Variants in CCDC172 observed in about 807,000 individuals in gnomAD.
CCDC172 encodes coiled-coil domain-containing protein 172.
Under a neutral mutation model 38.0 loss-of-function variants are expected in CCDC172, and 30 were observed. The ratio of observed to expected loss-of-function variants is 0.79; its 90% CI spans 0.59 to 1.07. The LOEUF is 1.07. Ranked by LOEUF, CCDC172 falls within the 50% of genes least tolerant of loss-of-function variation. The pLI, the probability that CCDC172 is intolerant of heterozygous loss-of-function variation, is 0.00. For synonymous variants in CCDC172, 78 were observed against 88.3 expected (o/e 0.88, Z 0.66); for missense variants, 297 against 290.1 (o/e 1.02, Z -0.17).
At chr10:116,364,609 CT>C (rs1220676521) in intron 7 of CCDC172, among the ~76,000 whole-genome samples, 3 of 151,936 alleles carry the variant, frequency 2.0e-5, no homozygotes, top group Non-Finnish European at 2.9e-5. Context: ...ACATATTTCT[CT>C]TAAATAGTAT....
intron 7 of CCDC172, among the ~76,000 whole-genome samples, chr10:116,362,153 T>C (rs1394658652): frequency 5.9e-5 from 9 of 152,150 alleles, no homozygotes; most frequent in Admixed American, 4.6e-4. Context: ...TCGCTTTTCA[T>C]ACCCTTGCTC....
intron 7 of CCDC172, among the ~76,000 whole-genome samples, chr10:116,364,142 C>A (rs368962800): frequency 6.6e-6 from 1 of 152,030 alleles, no homozygotes; most frequent in Non-Finnish European, 1.5e-5. Context: ...GGATTAAACA[C>A]CTACTTTGTA....
chr10:116,378,646 A>T, intron 8 of CCDC172, 136 bp downstream of exon 8: 1 of 669,260 alleles, frequency 1.5e-6, no homozygotes, highest in East Asian at 3.1e-5. Context: ...AATGAAGATA[A>T]CTAGGATCAG....
chr10:116,373,199 G>C (rs957787023), intron 7 of CCDC172, among the ~76,000 whole-genome samples: 3 of 151,796 alleles, frequency 2.0e-5, no homozygotes, highest in Non-Finnish European at 2.9e-5. Context: ...TTCAAGCCCT[G>C]GAGTTTGAGA....
At chr10:116,334,295 C>T (rs1222194931) in intron 3 of CCDC172, among the ~76,000 whole-genome samples, 2 of 152,168 alleles carry the variant, frequency 1.3e-5, no homozygotes, top group African/African-American at 4.8e-5. Context: ...ATTTGGTGAA[C>T]ATGCAGTAGA....
At chr10:116,327,495 C>A (rs1589945256) in intron 3 of CCDC172, among the ~76,000 whole-genome samples, 2 of 151,844 alleles carry the variant, frequency 1.3e-5, no homozygotes, top group East Asian at 3.9e-4. Context: ...GTTTTGTCTG[C>A]AAATGGAAAT....
chr10:116,366,224 T>C (rs186786215), intron 7 of CCDC172, among the ~76,000 whole-genome samples: 100 of 152,270 alleles, frequency 6.6e-4, no homozygotes, highest in African/African-American at 2.3e-3. Context: ...TGAAATAAAC[T>C]AGAATATTAC....
At chr10:116,368,727 A>G (rs760779922) in intron 7 of CCDC172, among the ~76,000 whole-genome samples, 21 of 152,006 alleles carry the variant, frequency 1.4e-4, no homozygotes, top group Admixed American at 4.6e-4. Context: ...TTCAGACCAC[A>G]GTACTAGATG....
At chr10:116,338,630 T>A (rs1016702176) in intron 3 of CCDC172, among the ~76,000 whole-genome samples, 4 of 152,134 alleles carry the variant, frequency 2.6e-5, no homozygotes, top group African/African-American at 9.6e-5. Context: ...AGTGCCAATA[T>A]GTCACCTAGC....
At chr10:116,365,189 T>C (rs1252473943) in intron 7 of CCDC172, among the ~76,000 whole-genome samples, 1 of 152,186 alleles carries the variant, frequency 6.6e-6, no homozygotes, top group Non-Finnish European at 1.5e-5. Flanking sequence ...TGGCCTCTTT[T>C]GAAGCTAGCA....
At chr10:116,352,663 C>T (rs540608198) in intron 5 of CCDC172, among the ~76,000 whole-genome samples, 70 of 151,916 alleles carry the variant, frequency 4.6e-4, no homozygotes, top group Non-Finnish European at 7.1e-4. Flanking sequence ...TAATGTCATT[C>T]TTAATGATAA....
intron 5 of CCDC172, 115 bp downstream of exon 5, chr10:116,342,316 A>C: frequency 1.3e-6 from 1 of 769,870 alleles, no homozygotes; most frequent in Middle Eastern, 3.4e-4. Context: ...TTGCATAGCG[A>C]TTCTTTTACT....
At chr10:116,335,586 G>C (rs1844720261) in intron 3 of CCDC172, among the ~76,000 whole-genome samples, 1 of 151,940 alleles carries the variant, frequency 6.6e-6, no homozygotes, top group Admixed American at 6.6e-5. Context: ...ATGAAGAATT[G>C]ATGTCTTTAT....
chr10:116,359,307 G>A (rs1845036656), intron 7 of CCDC172, among the ~76,000 whole-genome samples: 1 of 152,160 alleles, frequency 6.6e-6, no homozygotes, highest in Admixed American at 6.5e-5. Context: ...CCAAAATTAA[G>A]TTGATGTTGT....
intron 8 of CCDC172, 31 bp from the exon 9 acceptor site, chr10:116,379,292 C>T: frequency 7.0e-7 from 1 of 1,426,474 alleles, no homozygotes; most frequent in Non-Finnish European, 9.5e-7. Context: ...TTTACTTTTC[C>T]TCATGAGTAA....
intron 3 of CCDC172, among the ~76,000 whole-genome samples, chr10:116,339,882 C>T (rs1344103923): frequency 6.6e-6 from 1 of 151,944 alleles, no homozygotes; most frequent in East Asian, 1.9e-4. Context: ...GTTCTTATAA[C>T]TACCATAAAT....
At chr10:116,345,493 A>G (rs1272555496) in intron 5 of CCDC172, among the ~76,000 whole-genome samples, 1 of 152,224 alleles carries the variant, frequency 6.6e-6, no homozygotes, top group Non-Finnish European at 1.5e-5. Context: ...GATTTAAAAT[A>G]AATTGAAAAG....
intron 5 of CCDC172, 122 bp downstream of exon 5, chr10:116,342,323 TA>T (rs1844806216): frequency 1.4e-6 from 1 of 721,668 alleles, no homozygotes. Context: ...GCGATTCTTT[TA>T]CTTTTATTGA....
chr10:116,373,275 G>T (rs1437059643), intron 7 of CCDC172, among the ~76,000 whole-genome samples: 1 of 151,764 alleles, frequency 6.6e-6, no homozygotes, highest in African/African-American at 2.4e-5. Context: ...GAAAGATAAT[G>T]AAGATAAATA....
Sources: allele counts gnomAD v4.1 joint callset (sites outside exome capture counted in the v4.1 genomes callset), GRCh38; gene constraint gnomAD v4.1.1; transcripts MANE v1.5; gene names NCBI Gene and HGNC (gene_info 2026-07-23, HGNC 2026-07-21).